RBFOX1: variants seen among roughly 807,000 people sequenced by gnomAD.
RBFOX1 encodes RNA binding fox-1 homolog 1, also known as RNA binding protein fox-1 homolog 1.
RBFOX1 carries 8 observed loss-of-function variants against 57.7 expected under a neutral mutation model. The observed-to-expected ratio is 0.14, with a 90% CI of 0.08 to 0.25. RBFOX1 has a LOEUF of 0.25. RBFOX1 is among the 10% of genes least tolerant of loss of function. RBFOX1 has a pLI of 1.00. For synonymous variants in RBFOX1, 326 were observed against 222.4 expected, an observed-to-expected ratio of 1.47 and a Z score of -4.15; for missense variants, 611 against 548.5, an observed-to-expected ratio of 1.11 and a Z score of -1.14.
At chr16:6,897,663 C>G (rs745996833) in intron 3 of RBFOX1, among the ~76,000 whole-genome samples, 12 of 151,628 alleles carry the variant, frequency 7.9e-5, no homozygotes, top group African/African-American at 2.9e-4. Context: ...CTTGGTGGCA[C>G]GTGTCTGTAA....
At chr16:7,491,580 C>G (rs1327602221) in intron 4 of RBFOX1, among the ~76,000 whole-genome samples, 1 of 151,726 alleles carries the variant, frequency 6.6e-6, no homozygotes, top group African/African-American at 2.4e-5. Flanking sequence ...TTCTGTCTCT[C>G]TCTAAATTAT....
intron 4 of RBFOX1, among the ~76,000 whole-genome samples, chr16:7,211,158 G>C (rs1014400804): frequency 6.6e-6 from 1 of 151,408 alleles, no homozygotes; most frequent in Non-Finnish European, 1.5e-5. Flanking sequence ...TTGGGAGGCC[G>C]AGGTGGGGGG....
chr16:5,991,157 G>T (rs1273764813), intron 4 of RBFOX1, among the ~76,000 whole-genome samples: 1 of 152,270 alleles, frequency 6.6e-6, no homozygotes, highest in Non-Finnish European at 1.5e-5. Context: ...TGACTGTAGG[G>T]TTACATACAA....
intron 4 of RBFOX1, among the ~76,000 whole-genome samples, chr16:7,335,500 G>A (rs1603623992): frequency 6.6e-6 from 1 of 150,826 alleles, no homozygotes; most frequent in South Asian, 2.1e-4. Context: ...GAGATTTTGT[G>A]GCAGAGTGCT....
At chr16:6,496,509 A>AT (rs1174069082) in intron 2 of RBFOX1, among the ~76,000 whole-genome samples, 1 of 152,126 alleles carries the variant, frequency 6.6e-6, no homozygotes, top group Non-Finnish European at 1.5e-5. Flanking sequence ...ACGGGAATCA[A>AT]TTTTGCCTGC....
At chr16:6,830,615 G>A (rs1253170844) in intron 3 of RBFOX1, among the ~76,000 whole-genome samples, 1 of 152,130 alleles carries the variant, frequency 6.6e-6, no homozygotes, top group South Asian at 2.1e-4. Flanking sequence ...GAGGCCAAGG[G>A]TTCTGCTAAA....
intron 4 of RBFOX1, among the ~76,000 whole-genome samples, chr16:7,285,036 C>G (rs1460130654): frequency 6.8e-6 from 1 of 147,868 alleles, no homozygotes; most frequent in Non-Finnish European, 1.5e-5. Context: ...CCCTCACCCT[C>G]AGTCTCAATC....
chr16:6,918,662 C>G (rs2073796722), intron 3 of RBFOX1, among the ~76,000 whole-genome samples: 1 of 152,130 alleles, frequency 6.6e-6, no homozygotes, highest in African/African-American at 2.4e-5. Context: ...CACTGAGTGT[C>G]CTACCCAATG....
At chr16:6,008,513 A>C (rs9928091) in intron 4 of RBFOX1, among the ~76,000 whole-genome samples, 46,833 of 151,976 alleles carry the variant, frequency 0.31, 7,467 homozygotes, top group East Asian at 0.47. Flanking sequence ...CCATTTTCTA[A>C]AAGCTTGCTG....
intron 1 of RBFOX1, among the ~76,000 whole-genome samples, chr16:6,280,886 A>G (rs1599135563): frequency 1.3e-5 from 2 of 151,742 alleles, no homozygotes; most frequent in African/African-American, 4.8e-5. Context: ...GTTAATATAT[A>G]TGTCTAGGAG....
rs193297035 is a variant in RBFOX1 at position 7,002,257 on chromosome 16, T to G, written c.-15-49800T>G. On this transcript the variant is annotated intron_variant, in intron 3 of 15. Transcript: ENST00000550418. ...CCCTGGATACAGCGGTGCATGAAGTTAATCTATCTACTTTGGAACTTTGCA... is the reference window on the plus strand; with the variant it reads ...CCCTGGATACAGCGGTGCATGAAGTGAATCTATCTACTTTGGAACTTTGCA... 3.9e-3 allele frequency among the ~76,000 whole-genome samples: 590 copies of G among 152,318 alleles called. 2 individuals carry two copies. Among genetic ancestry groups the G allele is most frequent in the African/African-American group, 0.013 (560 of 41,568 alleles).
intron 1 of RBFOX1, among the ~76,000 whole-genome samples, chr16:6,210,776 A>AT (rs781752927): frequency 6.6e-5 from 10 of 152,116 alleles, no homozygotes; most frequent in South Asian, 2.1e-4. Context: ...AAGGAATCTT[A>AT]TGAAGATCTC....
chr16:6,592,369 G>T (rs559412202), intron 2 of RBFOX1, among the ~76,000 whole-genome samples: 4 of 152,286 alleles, frequency 2.6e-5, no homozygotes, highest in African/African-American at 9.6e-5. Flanking sequence ...AGGGTCTTTG[G>T]ATGGGTGCTT....
intron 3 of RBFOX1, among the ~76,000 whole-genome samples, chr16:5,616,685 C>T (rs112022358): frequency 2.2e-5 from 1 of 44,680 alleles, no homozygotes; most frequent in Non-Finnish European, 1.7e-4. Context: ...CCTTTATCTT[C>T]CGCCCCCTGA....
chr16:5,667,191 C>G (rs914223374), intron 3 of RBFOX1, among the ~76,000 whole-genome samples: 25 of 151,776 alleles, frequency 1.6e-4, no homozygotes, highest in African/African-American at 6.0e-4. Context: ...ATTTTGTTTT[C>G]TCTTTATTAT....
intron 1 of RBFOX1, among the ~76,000 whole-genome samples, chr16:5,422,404 C>G (rs111163810): frequency 2.4e-5 from 2 of 83,524 alleles, no homozygotes; most frequent in African/African-American, 1.1e-4. Context: ...AGGGAAGAGG[C>G]GTAGGGAGAG....
At chr16:6,436,225 G>C (rs2094228878) in intron 2 of RBFOX1, among the ~76,000 whole-genome samples, 1 of 152,202 alleles carries the variant, frequency 6.6e-6, no homozygotes, top group South Asian at 2.1e-4. Flanking sequence ...CCATGGGAAT[G>C]CAAGAGCTAC....
intron 2 of RBFOX1, among the ~76,000 whole-genome samples, chr16:5,494,936 A>C (rs1163588165): frequency 6.6e-6 from 1 of 152,204 alleles, no homozygotes; most frequent in Non-Finnish European, 1.5e-5. Flanking sequence ...CTGTAAGTGA[A>C]GTAGGAATAA....
At chr16:5,380,179 G>C (rs2066095866) in intron 1 of RBFOX1, among the ~76,000 whole-genome samples, 1 of 152,226 alleles carries the variant, frequency 6.6e-6, no homozygotes. Context: ...TCCTCCGCCT[G>C]GCTCCACTTC....
Sources: allele counts gnomAD v4.1 joint callset (sites outside exome capture counted in the v4.1 genomes callset), GRCh38; gene constraint gnomAD v4.1.1; transcripts MANE v1.5; gene names NCBI Gene and HGNC (gene_info 2026-07-23, HGNC 2026-07-21).